TPST1: variants seen among roughly 807,000 people sequenced by gnomAD.
The protein encoded by TPST1 is protein-tyrosine sulfotransferase 1.
In TPST1, 20 loss-of-function variants were observed where a neutral mutation model predicts 34.8. The observed-to-expected ratio is 0.57, with a 90% CI of 0.40 to 0.84. TPST1 has a LOEUF of 0.84. TPST1 is among the 40% of genes least tolerant of loss of function. The pLI is 0.00. For synonymous variants in TPST1, 152 were observed against 159.4 expected (o/e 0.95, Z 0.35); for missense variants, 353 against 455.5 (o/e 0.78, Z 2.05).
intron 2 of TPST1, among the ~76,000 whole-genome samples, chr7:66,260,594 T>C (rs538300028): frequency 1.3e-5 from 2 of 152,362 alleles, no homozygotes; most frequent in South Asian, 4.1e-4. Flanking sequence ...CCTGATAATA[T>C]TTGGATGCCA....
At chr7:66,339,636 T>C (rs1044448559) in intron 3 of TPST1, among the ~76,000 whole-genome samples, 2 of 151,658 alleles carry the variant, frequency 1.3e-5, no homozygotes, top group African/African-American at 4.9e-5. Context: ...CAACAATACA[T>C]TAAAAAGATC....
At chr7:66,203,685 C>T (rs1765109796), upstream of TPST1, among the ~76,000 whole-genome samples, 1 of 151,426 alleles carries the variant, frequency 6.6e-6, no homozygotes. Flanking sequence ...CGGGGTTTCA[C>T]CGTGTTAACC....
chr7:66,246,018 T>TG (rs1188375607), intron 2 of TPST1, among the ~76,000 whole-genome samples: 1 of 147,014 alleles, frequency 6.8e-6, no homozygotes, highest in African/African-American at 2.5e-5. Flanking sequence ...TCTTTTTTGG[T>TG]TTTTTTTTTG....
intron 1 of TPST1, among the ~76,000 whole-genome samples, chr7:66,238,371 C>G (rs1789954121): frequency 6.8e-6 from 1 of 147,522 alleles, no homozygotes; most frequent in Non-Finnish European, 1.5e-5. Flanking sequence ...TCTTGGTGCG[C>G]TTTTGTTACA....
At chr7:66,202,824 G>A (rs752688244), upstream of TPST1, among the ~76,000 whole-genome samples, 2 of 152,032 alleles carry the variant, frequency 1.3e-5, no homozygotes, top group African/African-American at 4.8e-5. Flanking sequence ...CTGTAATCCC[G>A]TCACTTTGGA....
chr7:66,292,976 G>A (rs1000840853), intron 3 of TPST1, among the ~76,000 whole-genome samples: 1 of 152,164 alleles, frequency 6.6e-6, no homozygotes, highest in African/African-American at 2.4e-5. Context: ...GGAGGTCGAG[G>A]CGGGTGGATC....
intron 2 of TPST1, among the ~76,000 whole-genome samples, chr7:66,269,739 G>A (rs1440868743): frequency 6.6e-6 from 1 of 152,184 alleles, no homozygotes; most frequent in Non-Finnish European, 1.5e-5. Context: ...TTGTCAGATG[G>A]TAATAAGCGC....
intron 1 of TPST1, among the ~76,000 whole-genome samples, chr7:66,219,118 G>C (rs1018449999): frequency 1.3e-4 from 19 of 143,644 alleles, no homozygotes; most frequent in African/African-American, 4.7e-4. Context: ...TGCTGGTCTC[G>C]AACTCCTGAC....
intron 2 of TPST1, among the ~76,000 whole-genome samples, chr7:66,266,599 A>G (rs1186184110): frequency 6.6e-6 from 1 of 152,276 alleles, no homozygotes; most frequent in Non-Finnish European, 1.5e-5. Flanking sequence ...AGCACTATTC[A>G]TAGTAATAGC....
At chr7:66,313,063 A>C (rs1167186032) in intron 3 of TPST1, among the ~76,000 whole-genome samples, 2 of 152,088 alleles carry the variant, frequency 1.3e-5, no homozygotes, top group Non-Finnish European at 2.9e-5. Flanking sequence ...CCTGAAAAAA[A>C]AAAAAAAATC....
At position 66,328,886 on chromosome 7, in the gene TPST1, C is replaced by CTATA. The variant is rs1554354127; in HGVS notation, c.1045-23601_1045-23598dup. On this transcript the variant is annotated intron_variant, in intron 3 of 5. Coordinates refer to ENST00000304842, the MANE Select transcript of TPST1 (RefSeq NM_003596.4). The stretch of plus-strand genomic sequence containing the variant: ...TCTCTCTCTCTCTCTCTCTCTCTCT[C>CTATA]TATATATATATATATATATATTTTT... Among the ~76,000 whole-genome samples the CTATA allele has an allele frequency of 3.8e-3, 84 of 22,090 alleles. 3 individuals are homozygous for CTATA. Among genetic ancestry groups the CTATA allele is most frequent in the East Asian group, 5.8e-3 (6 of 1,042 alleles). The allele number at this position is 22,090 out of a possible 152,430, so 14.5% of individuals were successfully genotyped here.
At chr7:66,300,208 G>T (rs1423940921) in intron 3 of TPST1, among the ~76,000 whole-genome samples, 1 of 152,152 alleles carries the variant, frequency 6.6e-6, no homozygotes, top group African/African-American at 2.4e-5. Flanking sequence ...ATAGCAATTT[G>T]TTTTGTTATG....
chr7:66,268,359 T>A (rs1300869552), intron 2 of TPST1, among the ~76,000 whole-genome samples: 1 of 152,220 alleles, frequency 6.6e-6, no homozygotes, highest in African/African-American at 2.4e-5. Flanking sequence ...GATTTTCTAA[T>A]GAGACCTTCC....
chr7:66,244,027 C>T (rs984293076), intron 2 of TPST1, among the ~76,000 whole-genome samples: 16 of 148,990 alleles, frequency 1.1e-4, no homozygotes, highest in African/African-American at 3.7e-4. Context: ...CGGCTCACTG[C>T]GAGCTCGGCC....
At chr7:66,343,968 A>G (rs907822228) in intron 3 of TPST1, among the ~76,000 whole-genome samples, 1 of 152,262 alleles carries the variant, frequency 6.6e-6, no homozygotes, top group Non-Finnish European at 1.5e-5. Context: ...GCAATACTAT[A>G]ACAGAAATGA....
At chr7:66,255,018 G>A (rs1355018743) in intron 2 of TPST1, among the ~76,000 whole-genome samples, 1 of 151,844 alleles carries the variant, frequency 6.6e-6, no homozygotes, top group Non-Finnish European at 1.5e-5. Context: ...GTGGTGGCGG[G>A]CGCCTGTAGT....
chr7:66,360,197 G>GC lies in TPST1; in HGVS notation c.*332_*333insC. The GC allele has an allele frequency of 3.3e-6, 1 of 305,754 alleles. No homozygotes were observed. Among genetic ancestry groups the GC allele is most frequent in the South Asian group, 3.0e-5 (1 of 33,400 alleles). The allele number at this position is 305,754 out of a possible 1,614,324, so 18.9% of individuals were successfully genotyped here. ...TTATGACGTTTGTTTTCAAGGAGAG[G>GC]GTTTAAAAATGGGATCCTGTAAGCA... On this transcript the variant is annotated 3_prime_UTR_variant, in exon 6 of 6. Coordinates refer to ENST00000304842, the MANE Select transcript of TPST1 (RefSeq NM_003596.4).
At chr7:66,242,648 G>T (rs182312950) in intron 2 of TPST1, among the ~76,000 whole-genome samples, 1 of 152,138 alleles carries the variant, frequency 6.6e-6, no homozygotes, top group East Asian at 1.9e-4. Flanking sequence ...CCTGTATTAG[G>T]TATTTCAGTC....
At chr7:66,235,832 C>G (rs1283349230) in intron 1 of TPST1, among the ~76,000 whole-genome samples, 1 of 152,144 alleles carries the variant, frequency 6.6e-6, no homozygotes, top group East Asian at 1.9e-4. Flanking sequence ...TGGGACAGCT[C>G]GAAGCAAAGG....
Sources: gnomAD v4.1 joint callset for allele counts (sites outside exome capture counted in the v4.1 genomes callset) on GRCh38, gnomAD v4.1.1 for gene constraint, MANE v1.5 for transcripts, NCBI Gene and HGNC (gene_info 2026-07-23, HGNC 2026-07-21) for gene names.